SCN2A: variants seen among roughly 807,000 people sequenced by gnomAD.
SCN2A encodes sodium channel protein type 2 subunit alpha.
Under a neutral mutation model 188.7 loss-of-function variants are expected in SCN2A, and 20 were observed. The ratio of observed to expected loss-of-function variants is 0.11; its 90% confidence interval spans 0.07 to 0.15. SCN2A has a LOEUF of 0.15. Ranked by LOEUF, SCN2A falls within the 10% of genes least tolerant of loss-of-function variation. The pLI is 1.00. For synonymous variants in SCN2A, 804 were observed against 833.1 expected (o/e 0.97, Z 0.60); for missense variants, 1,278 against 2,445.0 (o/e 0.52, Z 10.07).
In SCN2A at chr2:165,388,976, C is replaced by A; in HGVS notation, c.5170C>A (p.Leu1724Ile). The A allele has an allele frequency of 6.2e-7, 1 of 1,614,110 alleles. No homozygotes were observed. Among genetic ancestry groups the A allele is most frequent in the Non-Finnish European group, 8.5e-7 (1 of 1,180,006 alleles). ...CTGGGATGGATTGCTAGCACCTATT[C>A]TTAATAGTGGACCTCCAGACTGTGA... is the stretch of plus-strand genomic sequence containing the variant. ...AGWDGLLAPI[L>I]NSGPPDCDPD... The change falls in exon 27 of 27, where the codon CTT (leucine) becomes ATT (isoleucine). Residue 1724 changes from leucine to isoleucine, a missense_variant. Physicochemically the swap from Leu to Ile is conservative, Grantham distance 5. Coordinates refer to ENST00000375437, the MANE Select transcript of SCN2A (RefSeq NM_001040142.2).
Position 165,389,967 on chromosome 2 carries a change from C to T in SCN2A, c.*143C>T, listed in dbSNP as rs1702066210. 3.0e-6 allele frequency: 4 copies of T among 1,349,948 alleles called. No homozygotes were observed. Among genetic ancestry groups the T allele is most frequent in the African/African-American group, 3.0e-5 (2 of 67,776 alleles). The allele number at this position is 1,349,948 out of a possible 1,614,324, so 83.6% of individuals were successfully genotyped here. On this transcript the variant is annotated 3_prime_UTR_variant, in exon 27 of 27. Transcript: ENST00000375437. The surrounding 1 kb of genome is among the most constrained non-coding windows in gnomAD (Gnocchi z 4.2). The stretch of plus-strand genomic sequence containing the variant: ...GTATACTTAAGGTCAGTGCCTATAA[C>T]AAGACAGAGACCTCTGGTCAGCAAA...
rs1199576806 is a variant in SCN2A at position 165,239,514 on chromosome 2, G to A, written c.-178G>A. The stretch of plus-strand genomic sequence containing the variant: ...CTTTCTTGTTTTTTTCTTCTTTAAT[G>A]AGGATAGAGCACATGTGAGATTTTA... On this transcript the variant is annotated 5_prime_UTR_variant, in exon 1 of 27. The change abolishes an upstream ATG in the 5' untranslated region. Transcript: ENST00000375437. The A allele has an allele frequency of 1.2e-5, 5 of 425,752 alleles. No individual in the cohort carries two copies. Among genetic ancestry groups the A allele is most frequent in the Non-Finnish European group, 1.6e-5 (5 of 318,840 alleles). 26.4% of individuals were successfully genotyped at this position (425,752 alleles called of 1,614,324 possible).
intron 25 of SCN2A, among the ~76,000 whole-genome samples, chr2:165,386,073 C>T (rs758426840): frequency 8.6e-5 from 13 of 151,892 alleles, no homozygotes; most frequent in Non-Finnish European, 1.5e-4. Flanking sequence ...AAGTATAAAA[C>T]GAAAATAAAA....
At chr2:165,333,823 A>T (rs777143) in intron 14 of SCN2A, among the ~76,000 whole-genome samples, 1 of 150,802 alleles carries the variant, frequency 6.6e-6, no homozygotes, top group African/African-American at 2.4e-5. Flanking sequence ...AATCAATAAA[A>T]CCAAAAGTTA....
intron 11 of SCN2A, among the ~76,000 whole-genome samples, chr2:165,321,573 A>G (rs1698077789): frequency 6.6e-6 from 1 of 152,248 alleles, no homozygotes; most frequent in Non-Finnish European, 1.5e-5. Context: ...AAGCCTCACA[A>G]TCATGGCAGA....
At chr2:165,291,761 T>C (rs888394187) in intron 1 of SCN2A, among the ~76,000 whole-genome samples, 1 of 151,236 alleles carries the variant, frequency 6.6e-6, no homozygotes, top group African/African-American at 2.4e-5. Flanking sequence ...AACTCCACTT[T>C]TCAGAAATGC....
intron 16 of SCN2A, 61 bp downstream of exon 16, chr2:165,344,972 T>C: frequency 6.2e-7 from 1 of 1,600,462 alleles, no homozygotes; most frequent in Non-Finnish European, 8.6e-7. Flanking sequence ...TTAAAAAGTG[T>C]GTTCAACTGA....
chr2:165,357,587 C>T (rs1700243641), intron 17 of SCN2A, among the ~76,000 whole-genome samples: 1 of 151,886 alleles, frequency 6.6e-6, no homozygotes, highest in African/African-American at 2.4e-5. Context: ...TGTCATAATC[C>T]CCTATGCTTT....
At chr2:165,342,662 A>C (rs1699377022) in intron 15 of SCN2A, among the ~76,000 whole-genome samples, 193 bp downstream of exon 15, 1 of 152,226 alleles carries the variant, frequency 6.6e-6, no homozygotes, top group Admixed American at 6.5e-5. Context: ...TTAAATGAAT[A>C]GTCTACACTT....
intron 17 of SCN2A, among the ~76,000 whole-genome samples, chr2:165,364,431 G>A (rs1700619656): frequency 6.6e-6 from 1 of 152,092 alleles, no homozygotes; most frequent in African/African-American, 2.4e-5. Context: ...TTAACCTAAA[G>A]GAAAACAAAA....
intron 13 of SCN2A, among the ~76,000 whole-genome samples, chr2:165,330,715 C>T: frequency 6.6e-6 from 1 of 152,110 alleles, no homozygotes; most frequent in East Asian, 1.9e-4. Context: ...ACAGTGAGGA[C>T]TCCAGTTCCT....
At chr2:165,282,616 A>G (rs1695631472) in intron 1 of SCN2A, among the ~76,000 whole-genome samples, 1 of 151,998 alleles carries the variant, frequency 6.6e-6, no homozygotes, top group Admixed American at 6.5e-5. Context: ...AGGTCTTGCT[A>G]TGTTGCTCAG....
chr2:165,374,650 CT>C, intron 21 of SCN2A, 34 bp from the exon 22 acceptor site: 1 of 1,602,242 alleles, frequency 6.2e-7, no homozygotes, highest in Non-Finnish European at 8.5e-7. Flanking sequence ...TTGTTGTTGG[CT>C]TTTCACTTAT....
intron 16 of SCN2A, among the ~76,000 whole-genome samples, chr2:165,353,532 A>C (rs202058819): frequency 6.6e-6 from 1 of 152,298 alleles, no homozygotes; most frequent in East Asian, 1.9e-4. Flanking sequence ...ATTTATAAAG[A>C]AAAGAGATTT....
chr2:165,382,700 T>G (rs994730432), intron 25 of SCN2A, among the ~76,000 whole-genome samples: 1 of 152,150 alleles, frequency 6.6e-6, no homozygotes, highest in Non-Finnish European at 1.5e-5. Context: ...GTGAAACTGT[T>G]GGTTCCACTA....
chr2:165,350,463 TC>T (rs201560591), intron 16 of SCN2A, among the ~76,000 whole-genome samples: 13,440 of 100,898 alleles, frequency 0.13, 2,286 homozygotes, highest in East Asian at 0.23. Flanking sequence ...CTGTTTTCTT[TC>T]TTTTTTTTTT....
chr2:165,359,276 C>T (rs942234185), intron 17 of SCN2A, among the ~76,000 whole-genome samples: 1 of 152,036 alleles, frequency 6.6e-6, no homozygotes, highest in Non-Finnish European at 1.5e-5. Flanking sequence ...TTACTTTTTC[C>T]TATTATGTAT....
At chr2:165,370,346 T>C in intron 20 of SCN2A, 47 bp downstream of exon 20, 2 of 1,589,336 alleles carry the variant, frequency 1.3e-6, no homozygotes, top group Non-Finnish European at 8.6e-7. Flanking sequence ...ATATATGTAA[T>C]AGTTCTAGCA....
intron 6 of SCN2A, among the ~76,000 whole-genome samples, chr2:165,309,703 A>G (rs926661372): frequency 1.3e-5 from 2 of 152,146 alleles, no homozygotes; most frequent in African/African-American, 4.8e-5. Context: ...TTTGCATCCT[A>G]TAACATCAAG....
Sources: gnomAD v4.1 joint callset for allele counts (sites outside exome capture counted in the v4.1 genomes callset) on GRCh38, gnomAD v4.1.1 for gene constraint, Gnocchi (gnomAD v3.1) non-coding constraint, MANE v1.5 for transcripts, NCBI Gene and HGNC (gene_info 2026-07-23, HGNC 2026-07-21) for gene names.